The following STK38L variants were observed in gnomAD, a reference collection of about 807,000 sequenced individuals.
STK38L encodes the protein serine/threonine kinase 38 like, also known as serine/threonine-protein kinase 38-like.
A neutral mutation model predicts 59.7 loss-of-function variants in STK38L; 28 were observed. That is an observed-to-expected ratio of 0.47 (90% CI 0.35 to 0.64). The LOEUF (loss-of-function observed/expected upper bound fraction) is 0.64, where lower values mean the gene tolerates loss of function less well. STK38L is among the 30% of genes least tolerant of loss of function. The pLI, the probability that STK38L is intolerant of heterozygous loss-of-function variation, is 0.01. For synonymous variants in STK38L, 162 were observed against 176.8 expected, an observed-to-expected ratio of 0.92 and a Z score of 0.66; for missense variants, 314 against 555.8, an observed-to-expected ratio of 0.56 and a Z score of 4.37.
chr12:27,302,102 G>T, intron 2 of STK38L, 35 bp from the exon 3 acceptor site: 1 of 1,524,382 alleles, frequency 6.6e-7, no homozygotes, highest in Non-Finnish European at 9.0e-7. Flanking sequence ...AGTTAGGAAT[G>T]TATTTAAAAT....
chr12:27,300,843 A>G, intron 2 of STK38L, among the ~76,000 whole-genome samples: 1 of 152,198 alleles, frequency 6.6e-6, no homozygotes, highest in East Asian at 1.9e-4. Flanking sequence ...AAGAAGGAAA[A>G]CTAAGTGATC....
intron 1 of STK38L, among the ~76,000 whole-genome samples, chr12:27,281,070 T>TAACTGACTCTGG (rs1591884909): frequency 2.6e-4 from 3 of 11,370 alleles, no homozygotes; most frequent in Admixed American, 7.1e-4. Flanking sequence ...TAGCTTTGTT[T>TAACTGACTCTGG]TTTTTTTTTT....
rs979134453 is a variant in STK38L at position 27,324,727 on chromosome 12, C to A, written c.*2272C>A. The A allele has an allele frequency of 1.3e-5, 2 of 152,068 alleles. No individual in the cohort carries two copies. Among genetic ancestry groups the A allele is most frequent in the Non-Finnish European group, 2.9e-5 (2 of 67,944 alleles). The allele number at this position is 152,068 out of a possible 1,614,324, so 9.4% of individuals were successfully genotyped here. A position where few individuals can be genotyped will look rare whatever the true frequency, so the allele number is the denominator to read the frequency against. ...TTTGGGGTTTTCTCCTCATCAAAAG[C>A]ATTTCTTAAGTGCCTATCTAAAAGC... is the stretch of plus-strand genomic sequence containing the variant. On this transcript the variant is annotated 3_prime_UTR_variant, in exon 14 of 14. Coordinates refer to ENST00000389032, the MANE Select transcript of STK38L (RefSeq NM_015000.4).
intron 1 of STK38L, among the ~76,000 whole-genome samples, chr12:27,265,654 T>A (rs1468857463): frequency 6.6e-6 from 1 of 152,206 alleles, no homozygotes; most frequent in Non-Finnish European, 1.5e-5. Context: ...GTTCTTCTTT[T>A]TTTATTCTGA....
At chr12:27,248,948 A>C (rs189243718) in intron 1 of STK38L, among the ~76,000 whole-genome samples, 355 of 152,302 alleles carry the variant, frequency 2.3e-3, no homozygotes, top group African/African-American at 8.2e-3. Context: ...CCATCATTTC[A>C]TGGAGATACT....
intron 6 of STK38L, among the ~76,000 whole-genome samples, chr12:27,313,259 A>C (rs1300894797): frequency 1.3e-5 from 2 of 152,004 alleles, no homozygotes; most frequent in Non-Finnish European, 1.5e-5. Context: ...AAAAAAAAAA[A>C]AAAAAAATAC....
At chr12:27,289,647 C>T (rs905688912) in intron 1 of STK38L, among the ~76,000 whole-genome samples, 1 of 152,166 alleles carries the variant, frequency 6.6e-6, no homozygotes, top group Admixed American at 6.5e-5. Flanking sequence ...TCAGGGCATA[C>T]GCCACATGGA....
At chr12:27,320,442 A>ATTTT (rs34281958) in intron 12 of STK38L, among the ~76,000 whole-genome samples, 1,118 of 91,704 alleles carry the variant, frequency 0.012, no homozygotes, top group East Asian at 0.014. Context: ...AATTTTGTTG[A>ATTTT]TTTTTTTTTT....
rs1944824116 is a variant in STK38L, at chr12:27,325,775, G to C, written c.*3320G>C. The C allele has an allele frequency of 6.6e-6, 1 of 152,046 alleles. No individual in the cohort carries two copies. Among genetic ancestry groups the C allele is most frequent in the African/African-American group, 2.4e-5 (1 of 41,410 alleles). The allele number at this position is 152,046 out of a possible 1,614,324, so 9.4% of individuals were successfully genotyped here. On this transcript the variant is annotated 3_prime_UTR_variant, in exon 14 of 14. Coordinates refer to ENST00000389032, the MANE Select transcript of STK38L (RefSeq NM_015000.4). ...GAGGGGATATTGCTGCTTTAAAAAG[G>C]AATAAAGTAATAAAAATATATCTCA... is the stretch of plus-strand genomic sequence containing the variant.
In STK38L at chr12:27,260,544, C is replaced by G. The variant is rs191416343; in HGVS notation, c.-12+16212C>G. ...TCTCTGAACTCTTTCTTACCACTCC[C>G]CCTCACTCTCTCTGTGCCGTACTGA... On this transcript the variant is annotated intron_variant, in intron 1 of 13. Transcript: ENST00000389032. Among the ~76,000 whole-genome samples, 209 of 152,200 alleles carry G rather than the reference C, an allele frequency of 1.4e-3. 1 individual carries two copies. The highest frequency in any genetic ancestry group is 2.7e-3 in the Non-Finnish European group (182 of 68,002).
chr12:27,317,915 T>C lies in STK38L; in HGVS notation c.975T>C (p.Ser325=), dbSNP rs778042402. The C allele has an allele frequency of 5.0e-6, 8 of 1,613,764 alleles. No individual in the cohort carries two copies. The highest frequency in any genetic ancestry group is 1.3e-5 in the African/African-American group (1 of 74,898). Residue 325 remains serine (S), a synonymous_variant, in exon 11 of 14, where the codon TCT becomes TCC. Transcript: ENST00000389032. ...EMLIGYPPFC[S]ETPQETYRKV... ...ACATAGGATATCCACCTTTCTGCTC[T>C]GAAACACCTCAAGAAACGTACAGAA...
chr12:27,292,670 A>G (rs936912272), intron 1 of STK38L, among the ~76,000 whole-genome samples: 1 of 152,234 alleles, frequency 6.6e-6, no homozygotes, highest in Non-Finnish European at 1.5e-5. Flanking sequence ...ACAAAGATAA[A>G]TAGATGGAGA....
intron 1 of STK38L, among the ~76,000 whole-genome samples, chr12:27,256,996 G>C (rs1469278282): frequency 3.3e-5 from 5 of 152,136 alleles, no homozygotes; most frequent in Non-Finnish European, 5.9e-5. Context: ...TCATATTTAA[G>C]GTATATACCT....
At chr12:27,245,087 TC>T in intron 1 of STK38L, among the ~76,000 whole-genome samples, 1 of 152,214 alleles carries the variant, frequency 6.6e-6, no homozygotes, top group Admixed American at 6.5e-5. Context: ...ACCAGTGGCC[TC>T]CCCTTTTACT....
chr12:27,273,993 G>T (rs939119402), intron 1 of STK38L, among the ~76,000 whole-genome samples: 4 of 151,974 alleles, frequency 2.6e-5, no homozygotes, highest in Non-Finnish European at 5.9e-5. Flanking sequence ...GGTGGTTCAC[G>T]CCTGTAATCC....
chr12:27,306,977 C>T (rs1299678911), intron 3 of STK38L, among the ~76,000 whole-genome samples: 1 of 152,090 alleles, frequency 6.6e-6, no homozygotes, highest in African/African-American at 2.4e-5. Flanking sequence ...GATCCATCCA[C>T]CTCGGCCTCC....
At chr12:27,268,429 C>A (rs1173421041) in intron 1 of STK38L, among the ~76,000 whole-genome samples, 2 of 152,164 alleles carry the variant, frequency 1.3e-5, no homozygotes, top group African/African-American at 4.8e-5. Context: ...TCATCCATGT[C>A]CCTACAAATG....
intron 1 of STK38L, among the ~76,000 whole-genome samples, chr12:27,263,548 TCTGGTGTTATC>T (rs973494414): frequency 6.6e-6 from 1 of 152,152 alleles, no homozygotes; most frequent in Non-Finnish European, 1.5e-5. Context: ...ACCTCATCAC[TCTGGTGTTATC>T]CCTAAAGGGC....
chr12:27,267,025 T>C (rs2136614605), intron 1 of STK38L, among the ~76,000 whole-genome samples: 1 of 152,356 alleles, frequency 6.6e-6, no homozygotes, highest in South Asian at 2.1e-4. Context: ...TTTTAAATTT[T>C]AGTTTGACTC....
Sources: allele counts gnomAD v4.1 joint callset (sites outside exome capture counted in the v4.1 genomes callset), GRCh38; gene constraint gnomAD v4.1.1; transcripts MANE v1.5; gene names NCBI Gene and HGNC (gene_info 2026-07-23, HGNC 2026-07-21).